Variants in PLEKHA2 observed in about 807,000 individuals in gnomAD.
The protein encoded by PLEKHA2 is pleckstrin homology domain containing A2.
PLEKHA2 carries 28 observed loss-of-function variants against 53.2 expected under a neutral mutation model. The ratio of observed to expected loss-of-function variants is 0.53; its 90% CI spans 0.39 to 0.72. The LOEUF is 0.72. PLEKHA2 is among the 30% of genes least tolerant of loss of function. The pLI, the probability that PLEKHA2 is intolerant of heterozygous loss-of-function variation, is 0.00. For synonymous variants in PLEKHA2, 193 were observed against 196.4 expected, an observed-to-expected ratio of 0.98 and a Z score of 0.14; for missense variants, 426 against 537.9, an observed-to-expected ratio of 0.79 and a Z score of 2.06.
intron 1 of PLEKHA2, among the ~76,000 whole-genome samples, chr8:38,912,674 TG>T (rs1160789620): frequency 3.9e-5 from 6 of 152,176 alleles, no homozygotes; most frequent in Non-Finnish European, 8.8e-5. Context: ...TCTTAGCAAC[TG>T]TTGAGACAAA....
rs1482624270 is a variant in PLEKHA2 at position 38,972,959 on chromosome 8, A to G, written c.*3176A>G. On this transcript the variant is annotated 3_prime_UTR_variant, in exon 12 of 12. Coordinates refer to ENST00000617275, the MANE Select transcript of PLEKHA2 (RefSeq NM_021623.2). Reference sequence around the variant, plus strand: ...TATTCTTTAATTTTTATTTTTAGAAACAGTGTTTCACTCTGTCACCCAGGC... The same window carrying G: ...TATTCTTTAATTTTTATTTTTAGAAGCAGTGTTTCACTCTGTCACCCAGGC... 1 of 152,128 alleles carries G rather than the reference A, an allele frequency of 6.6e-6. No homozygotes were observed. Among genetic ancestry groups the G allele is most frequent in the African/African-American group, 2.4e-5 (1 of 41,400 alleles). 9.4% of individuals were successfully genotyped at this position (152,128 alleles called of 1,614,324 possible). A position where few individuals can be genotyped will look rare whatever the true frequency, so the allele number is the denominator to read the frequency against.
At chr8:38,950,797 C>T in intron 5 of PLEKHA2, 53 bp from the exon 6 acceptor site, 15 of 1,578,258 alleles carry the variant, frequency 9.5e-6, no homozygotes, top group Non-Finnish European at 1.2e-5. Context: ...TTGGGCTCCC[C>T]ATGTTTCCTA....
intron 2 of PLEKHA2, among the ~76,000 whole-genome samples, chr8:38,935,577 C>G (rs1834478957): frequency 6.6e-6 from 1 of 151,986 alleles, no homozygotes; most frequent in Non-Finnish European, 1.5e-5. Context: ...AGCCTCCATA[C>G]CCAGCTAATT....
chr8:38,916,891 A>G (rs896452162), intron 1 of PLEKHA2, among the ~76,000 whole-genome samples: 3 of 152,122 alleles, frequency 2.0e-5, no homozygotes, highest in Non-Finnish European at 4.4e-5. Context: ...TCCCACCAAT[A>G]CCGTACAAGG....
chr8:38,966,691 G>GT (rs1370878178), intron 10 of PLEKHA2, among the ~76,000 whole-genome samples: 3 of 152,194 alleles, frequency 2.0e-5, no homozygotes, highest in Non-Finnish European at 4.4e-5. Context: ...GAGGAAATAA[G>GT]TAACTCGGCT....
chr8:38,930,784 G>T (rs1339383198), intron 2 of PLEKHA2, among the ~76,000 whole-genome samples: 1 of 152,186 alleles, frequency 6.6e-6, no homozygotes, highest in African/African-American at 2.4e-5. Flanking sequence ...GTGGGCTGCT[G>T]GCTGGCGTAG....
chr8:38,931,415 A>G (rs774511952), intron 2 of PLEKHA2, among the ~76,000 whole-genome samples: 1 of 151,918 alleles, frequency 6.6e-6, no homozygotes, highest in Non-Finnish European at 1.5e-5. Context: ...CCCTCTCCCT[A>G]TGGCCCATTC....
At chr8:38,907,154 T>A in intron 1 of PLEKHA2, among the ~76,000 whole-genome samples, 1 of 152,220 alleles carries the variant, frequency 6.6e-6, no homozygotes, top group Non-Finnish European at 1.5e-5. Flanking sequence ...GAATATTTTC[T>A]GGAGCAAAAT....
intron 3 of PLEKHA2, among the ~76,000 whole-genome samples, chr8:38,940,961 G>A (rs972020486): frequency 6.6e-6 from 1 of 151,606 alleles, no homozygotes; most frequent in Non-Finnish European, 1.5e-5. Context: ...TTGGCTCTGA[G>A]TAACTCATCC....
At chr8:38,928,236 C>CT (rs11414317) in intron 2 of PLEKHA2, among the ~76,000 whole-genome samples, 50,386 of 110,056 alleles carry the variant, frequency 0.46, 13,048 homozygotes, top group African/African-American at 0.57. Context: ...CTGACCTGGT[C>CT]TTTTTTTTTT....
At chr8:38,952,516 C>T in intron 7 of PLEKHA2, 120 bp from the exon 8 acceptor site, 2 of 1,339,974 alleles carry the variant, frequency 1.5e-6, no homozygotes, top group Non-Finnish European at 2.1e-6. Context: ...GCCCTTGCCC[C>T]TGCTGAATGT....
At chr8:38,930,781 G>A (rs1182603137) in intron 2 of PLEKHA2, among the ~76,000 whole-genome samples, 3 of 152,182 alleles carry the variant, frequency 2.0e-5, no homozygotes, top group African/African-American at 4.8e-5. Context: ...TCTGTGGGCT[G>A]CTGGCTGGCG....
At chr8:38,957,222 T>C (rs1208072047) in intron 9 of PLEKHA2, 101 bp from the exon 10 acceptor site, 10 of 855,774 alleles carry the variant, frequency 1.2e-5, no homozygotes, top group African/African-American at 1.7e-5. Flanking sequence ...CCCCCACCCA[T>C]CTTCCTTTTT....
At chr8:38,942,224 A>G (rs1834624608) in intron 3 of PLEKHA2, among the ~76,000 whole-genome samples, 1 of 152,060 alleles carries the variant, frequency 6.6e-6, no homozygotes, top group Non-Finnish European at 1.5e-5. Flanking sequence ...CAACATAGCG[A>G]GACCCCATCT....
intron 3 of PLEKHA2, among the ~76,000 whole-genome samples, chr8:38,938,199 T>C (rs559213222): frequency 3.3e-5 from 5 of 152,350 alleles, no homozygotes; most frequent in Non-Finnish European, 7.3e-5. Context: ...AAAGAACTTG[T>C]AGGGGCTCAT....
chr8:38,940,093 T>TA (rs71216698), intron 3 of PLEKHA2, among the ~76,000 whole-genome samples: 5,987 of 106,556 alleles, frequency 0.056, 238 homozygotes, highest in Non-Finnish European at 0.081. Context: ...CCCTATCTCT[T>TA]AAAAAAAAAA....
chr8:38,921,645 T>C (rs1834196527), intron 2 of PLEKHA2, among the ~76,000 whole-genome samples: 1 of 152,252 alleles, frequency 6.6e-6, no homozygotes, highest in African/African-American at 2.4e-5. Context: ...CAGGGCAGGC[T>C]CTTACTCTTT....
At chr8:38,940,666 G>T in intron 3 of PLEKHA2, among the ~76,000 whole-genome samples, 1 of 133,122 alleles carries the variant, frequency 7.5e-6, no homozygotes, top group Admixed American at 7.7e-5. Context: ...GGGGGGGTCA[G>T]AAACCCAGGA....
intron 3 of PLEKHA2, among the ~76,000 whole-genome samples, chr8:38,941,000 A>C (rs1588258584): frequency 6.6e-6 from 1 of 151,806 alleles, no homozygotes; most frequent in East Asian, 1.9e-4. Context: ...ATTTCTGGGC[A>C]ATCATCTTGC....
Sources: allele counts gnomAD v4.1 joint callset (sites outside exome capture counted in the v4.1 genomes callset), GRCh38; gene constraint gnomAD v4.1.1; transcripts MANE v1.5; gene names NCBI Gene and HGNC (gene_info 2026-07-23, HGNC 2026-07-21).